Variants in MTUS2 observed in about 807,000 individuals in gnomAD.
MTUS2 encodes microtubule-associated tumor suppressor candidate 2.
Under a neutral mutation model 114.1 loss-of-function variants are expected in MTUS2, and 40 were observed. That is an observed-to-expected ratio of 0.35 (90% CI 0.27 to 0.46). MTUS2 has a LOEUF of 0.46. Ranked by LOEUF, MTUS2 falls within the 20% of genes least tolerant of loss-of-function variation. MTUS2 has a pLI of 1.00. For synonymous variants in MTUS2, 688 were observed against 672.0 expected (o/e 1.02, Z -0.37); for missense variants, 1,679 against 1,705.4 (o/e 0.98, Z 0.27).
intron 5 of MTUS2, among the ~76,000 whole-genome samples, chr13:29,162,125 C>G (rs955081436): frequency 2.0e-5 from 3 of 152,172 alleles, no homozygotes; most frequent in African/African-American, 7.2e-5. Context: ...GTGTGTGTCT[C>G]TGTGTACAAA....
At chr13:29,226,319 A>C (rs191065540) in intron 5 of MTUS2, among the ~76,000 whole-genome samples, 1 of 152,340 alleles carries the variant, frequency 6.6e-6, no homozygotes, top group Admixed American at 6.5e-5. Context: ...TTAACTGCTA[A>C]ACTTAGGTGG....
chr13:28,897,548 G>T (rs527672532), intron 2 of MTUS2, among the ~76,000 whole-genome samples: 19 of 152,228 alleles, frequency 1.2e-4, no homozygotes, highest in Non-Finnish European at 2.4e-4. Context: ...CCATTACTGG[G>T]TATATACCCA....
At chr13:29,391,873 C>T (rs901019455) in intron 8 of MTUS2, among the ~76,000 whole-genome samples, 11 of 152,088 alleles carry the variant, frequency 7.2e-5, no homozygotes, top group Admixed American at 6.5e-4. Context: ...CGCAGTGGCT[C>T]ACACCTATAA....
intron 2 of MTUS2, among the ~76,000 whole-genome samples, chr13:28,868,036 A>G (rs780050156): frequency 3.3e-5 from 5 of 152,164 alleles, no homozygotes; most frequent in Non-Finnish European, 5.9e-5. Context: ...AGGAACTCAG[A>G]ACACTTTCTG....
rs77383111 is a variant in MTUS2, at chr13:29,164,563, T to C, written c.2644+63593T>C. ...TTTTTAGTTTCAGTCTATCATGTGA[T>C]ATAATTTGAGGTATTCTGATCCTTC... On this transcript the variant is annotated intron_variant, in intron 5 of 15. Transcript: ENST00000612955. 1.0e-3 allele frequency among the ~76,000 whole-genome samples: 155 copies of C among 152,340 alleles called. 2 individuals carry two copies. In the East Asian group the frequency reaches 0.024, roughly 23 times the overall value.
At chr13:29,346,567 A>G (rs1269570078) in intron 7 of MTUS2, among the ~76,000 whole-genome samples, 1 of 118,370 alleles carries the variant, frequency 8.4e-6, no homozygotes, top group Non-Finnish European at 1.8e-5. Flanking sequence ...CCCCAACAGC[A>G]CGAGAGGGAC....
intron 5 of MTUS2, among the ~76,000 whole-genome samples, chr13:29,246,212 A>AG (rs1198863306): frequency 6.6e-6 from 1 of 152,280 alleles, no homozygotes; most frequent in Admixed American, 6.5e-5. Flanking sequence ...GTTCTGACCC[A>AG]GGGGGTGATT....
chr13:29,087,896 A>C (rs1889762256), intron 4 of MTUS2, among the ~76,000 whole-genome samples: 1 of 152,030 alleles, frequency 6.6e-6, no homozygotes, highest in African/African-American at 2.4e-5. Context: ...GTCTTTTCTA[A>C]AAACACAAAA....
At chr13:28,844,362 T>C (rs1221698186) in intron 2 of MTUS2, among the ~76,000 whole-genome samples, 2 of 152,186 alleles carry the variant, frequency 1.3e-5, no homozygotes, top group Non-Finnish European at 2.9e-5. Flanking sequence ...ATTTATGTAG[T>C]TGTTATTCAT....
At chr13:29,004,106 C>A (rs927431589) in intron 2 of MTUS2, among the ~76,000 whole-genome samples, 2 of 152,172 alleles carry the variant, frequency 1.3e-5, no homozygotes, top group African/African-American at 4.8e-5. Flanking sequence ...TGGTTTGGTT[C>A]CTGCCAGCCC....
At chr13:28,904,535 G>C (rs986686989) in intron 2 of MTUS2, among the ~76,000 whole-genome samples, 8 of 152,030 alleles carry the variant, frequency 5.3e-5, no homozygotes, top group Non-Finnish European at 8.8e-5. Flanking sequence ...TCTTGTTTTT[G>C]TCAGGTTTGT....
At chr13:29,182,572 T>A (rs988604186) in intron 5 of MTUS2, among the ~76,000 whole-genome samples, 1 of 152,230 alleles carries the variant, frequency 6.6e-6, no homozygotes, top group African/African-American at 2.4e-5. Context: ...TACTATGTGC[T>A]AGGATCTTAG....
At chr13:29,481,009 G>A (rs1198616844) in intron 10 of MTUS2, among the ~76,000 whole-genome samples, 1 of 152,110 alleles carries the variant, frequency 6.6e-6, no homozygotes, top group East Asian at 1.9e-4. Context: ...CACAGAGCTG[G>A]CCATGGAAAA....
intron 5 of MTUS2, among the ~76,000 whole-genome samples, chr13:29,109,924 C>T (rs1253684965): frequency 6.6e-6 from 1 of 152,152 alleles, no homozygotes. Context: ...GGTGAATAAC[C>T]TTCTGAGTGA....
intron 2 of MTUS2, among the ~76,000 whole-genome samples, chr13:28,889,368 C>T (rs986818741): frequency 1.3e-5 from 2 of 152,214 alleles, no homozygotes; most frequent in Non-Finnish European, 2.9e-5. Flanking sequence ...CTCTTCTGTG[C>T]TCGTGTCACG....
intron 2 of MTUS2, among the ~76,000 whole-genome samples, chr13:28,957,257 A>T (rs1244525207): frequency 6.6e-6 from 1 of 152,180 alleles, no homozygotes; most frequent in Non-Finnish European, 1.5e-5. Flanking sequence ...TTTTCCTTAC[A>T]CATAAAAAAA....
At chr13:29,218,834 T>C (rs1895786365) in intron 5 of MTUS2, among the ~76,000 whole-genome samples, 1 of 152,242 alleles carries the variant, frequency 6.6e-6, no homozygotes, top group Non-Finnish European at 1.5e-5. Flanking sequence ...CCAGGCTTTG[T>C]TGTTCCATTT....
chr13:29,184,916 C>G (rs377399143), intron 5 of MTUS2, among the ~76,000 whole-genome samples: 1 of 152,014 alleles, frequency 6.6e-6, no homozygotes, highest in Non-Finnish European at 1.5e-5. Context: ...GGGAGACAGT[C>G]AAGAGAACTT....
chr13:28,835,438 A>G (rs1875011000), intron 1 of MTUS2, among the ~76,000 whole-genome samples: 1 of 140,596 alleles, frequency 7.1e-6, no homozygotes, highest in African/African-American at 2.5e-5. Flanking sequence ...GTTTATATGA[A>G]GTATTCAGAA....
Sources: gnomAD v4.1 joint callset for allele counts (sites outside exome capture counted in the v4.1 genomes callset) on GRCh38, gnomAD v4.1.1 for gene constraint, MANE v1.5 for transcripts, NCBI Gene and HGNC (gene_info 2026-07-23, HGNC 2026-07-21) for gene names.